Variants in MICAL3 observed in about 807,000 individuals in gnomAD.
MICAL3 encodes the protein microtubule associated monooxygenase, calponin and LIM domain containing 3.
Under a neutral mutation model 207.4 loss-of-function variants are expected in MICAL3, and 62 were observed. The observed-to-expected ratio is 0.30, with a 90% CI of 0.24 to 0.37. The LOEUF is 0.37. Among genes scored for constraint, MICAL3 ranks in the 10% least tolerant of loss-of-function variants. The pLI is 1.00. For missense variants in MICAL3, 2,368 were observed against 2,635.6 expected, an observed-to-expected ratio of 0.90 and a Z score of 2.22; for synonymous variants, 1,077 against 1,069.3, an observed-to-expected ratio of 1.01 and a Z score of -0.14.
chr22:17,828,258 C>T (rs1157321315), intron 21 of MICAL3, among the ~76,000 whole-genome samples: 2 of 152,232 alleles, frequency 1.3e-5, no homozygotes, highest in Non-Finnish European at 2.9e-5. Flanking sequence ...AGGTGCCCAC[C>T]ACCACTCGCC....
intron 29 of MICAL3, among the ~76,000 whole-genome samples, chr22:17,799,949 AACACACACACACACACAC>A (rs3078144): frequency 1.4e-5 from 2 of 146,712 alleles, no homozygotes; most frequent in African/African-American, 5.1e-5. Flanking sequence ...CTCACTCTAA[AACACACACACACACACAC>A]ACACACACAC....
At chr22:17,834,297 C>G in intron 20 of MICAL3, 1 of 1,132,016 alleles carries the variant, frequency 8.8e-7, no homozygotes, top group South Asian at 1.8e-5. Context: ...GAATATACTG[C>G]AAGGAGCTCA....
rs367653322 is a variant in MICAL3, at chr22:17,832,101, G to A, written c.2808C>T (p.Ser936=). ...GAEEDVASSS[S]ESEMEEEGEE... ...CTCCCTCCTCCTCCATCTCAGACTC[G>A]GAACTACTGTGAGGAAATAACCACA... Residue 936 remains serine (S), a synonymous_variant, in exon 21 of 32, where the codon TCC becomes TCT. Transcript: ENST00000441493. The A allele has an allele frequency of 1.1e-4, 170 of 1,568,870 alleles. No individual in the cohort carries two copies. The East Asian group carries it at 1.5e-3, about 13-fold the overall frequency.
At chr22:17,898,229 C>G (rs886865679) in intron 7 of MICAL3, among the ~76,000 whole-genome samples, 1 of 152,224 alleles carries the variant, frequency 6.6e-6, no homozygotes, top group Admixed American at 6.5e-5. Flanking sequence ...TTCACCTTGT[C>G]CCAAGGCGTA....
chr22:17,964,161 G>T (rs990348582), intron 1 of MICAL3, among the ~76,000 whole-genome samples: 1 of 152,096 alleles, frequency 6.6e-6, no homozygotes, highest in African/African-American at 2.4e-5. Flanking sequence ...CTGGAATTCC[G>T]TGTTCTAACA....
At chr22:17,907,394 C>A (rs772055915) in intron 1 of MICAL3, among the ~76,000 whole-genome samples, 1 of 152,156 alleles carries the variant, frequency 6.6e-6, no homozygotes, top group Non-Finnish European at 1.5e-5. Flanking sequence ...GCTTAGGCCC[C>A]GGATTAAACG....
chr22:17,814,546 C>T (rs2062081959), intron 27 of MICAL3: 1 of 152,222 alleles, frequency 6.6e-6, no homozygotes, highest in Non-Finnish European at 1.5e-5. Flanking sequence ...CCAAAATGTC[C>T]TTTATGGCTG....
intron 1 of MICAL3, among the ~76,000 whole-genome samples, chr22:17,937,564 G>A (rs541884045): frequency 3.9e-5 from 6 of 152,358 alleles, no homozygotes; most frequent in South Asian, 2.1e-4. Flanking sequence ...TCAGGAGGCT[G>A]AGGCAGACGA....
Position 17,817,653 on chromosome 22 carries a change from C to T in MICAL3, c.5008G>A (p.Glu1670Lys), listed in dbSNP as rs779671981. ...TCCGACGGCGGGGAGAGGACCTCCT[C>T]GCTGGTGGCTTCATGCTTCAGGGTG... ...EPTLKHEATS[E>K]EVLSPPSDSG... The change falls in exon 26 of 32, where the codon GAG becomes AAG. Residue 1670 changes from glutamate (E) to lysine (K), a missense_variant. Transcript: ENST00000441493. 8 of 1,612,256 alleles carry T rather than the reference C, an allele frequency of 5.0e-6. No homozygotes were observed. Among genetic ancestry groups the T allele is most frequent in the African/African-American group, 2.7e-5 (2 of 74,916 alleles).
chr22:17,984,657 C>T (rs1159768724), intron 1 of MICAL3, among the ~76,000 whole-genome samples: 2 of 151,930 alleles, frequency 1.3e-5, no homozygotes, highest in South Asian at 2.1e-4. Flanking sequence ...GGGTTTCTGA[C>T]TTCATGAAGC....
At position 17,818,100 on chromosome 22, in the gene MICAL3, G is replaced by A. The variant is rs777073162; in HGVS notation, c.4561C>T (p.Pro1521Ser). 1.9e-6 allele frequency: 3 copies of A among 1,612,830 alleles called. No homozygotes were observed. In the Middle Eastern group the frequency reaches 4.9e-4, roughly 266 times the overall value. The stretch of plus-strand genomic sequence containing the variant: ...GTGTCCTCCACATCATCAGCAAAGG[G>A]AATCTCCTCCACGCTCTCCACAAAC... ...KSFVESVEEI[P>S]FADDVEDTYD... Residue 1521 changes from proline (P) to serine (S), a missense_variant, in exon 26 of 32, where the codon CCC (proline) becomes TCC (serine). Physicochemically the swap from Pro to Ser is moderately conservative, Grantham distance 74. Transcript: ENST00000441493.
intron 16 of MICAL3, among the ~76,000 whole-genome samples, chr22:17,878,363 G>A (rs777963475): frequency 2.7e-4 from 41 of 152,130 alleles, no homozygotes; most frequent in Non-Finnish European, 4.9e-4. Flanking sequence ...ACCGTGGGGC[G>A]AGGCCATGGA....
At chr22:17,838,902 C>T (rs1433167150) in intron 20 of MICAL3, among the ~76,000 whole-genome samples, 4 of 151,638 alleles carry the variant, frequency 2.6e-5, no homozygotes, top group African/African-American at 9.7e-5. Flanking sequence ...CGTCCTGTGT[C>T]CTACGGCCAC....
chr22:17,916,918 C>G (rs1303178381), intron 1 of MICAL3, among the ~76,000 whole-genome samples: 2 of 152,124 alleles, frequency 1.3e-5, no homozygotes, highest in African/African-American at 4.8e-5. Flanking sequence ...TAGGACACAG[C>G]TCTCTTTTCA....
chr22:17,885,338 C>G lies in MICAL3; in HGVS notation c.2241+540G>C, dbSNP rs923925871. On this transcript the variant is annotated intron_variant, in intron 16 of 31. Coordinates refer to ENST00000441493, the MANE Select transcript of MICAL3 (RefSeq NM_015241.3). ...AGCTAAGAGAAGCCTGATGCCCACA[C>G]ATTCCAAAAGGTGCTTGTAAAGAGT... Among the ~76,000 whole-genome samples, 3 of 152,208 alleles carry G rather than the reference C, an allele frequency of 2.0e-5. No homozygotes were observed. The East Asian group carries it at 5.8e-4, about 29-fold the overall frequency.
intron 1 of MICAL3, among the ~76,000 whole-genome samples, chr22:17,981,341 A>T (rs1935900913): frequency 6.6e-6 from 1 of 151,768 alleles, no homozygotes; most frequent in Non-Finnish European, 1.5e-5. Flanking sequence ...ATTGACTCTA[A>T]GGAATAAAAC....
At chr22:17,795,875 G>C (rs1186149624) in intron 29 of MICAL3, among the ~76,000 whole-genome samples, 4 of 128,014 alleles carry the variant, frequency 3.1e-5, no homozygotes, top group African/African-American at 1.2e-4. Flanking sequence ...CACCTGACTG[G>C]AACCTGACTG....
In MICAL3 at chr22:18,008,297, T is replaced by C. The variant is rs1340554236; in HGVS notation, c.-75+15984A>G. Among the ~76,000 whole-genome samples the C allele has an allele frequency of 1.3e-5, 2 of 152,068 alleles. 1 individual carries two copies. ...GTCCATCCCTTCCAAGCATTCCAAA[T>C]AGCACACCCGTGACTGCCACCAGTT... On this transcript the variant is annotated intron_variant, in intron 1 of 31. Coordinates refer to ENST00000441493, the MANE Select transcript of MICAL3 (RefSeq NM_015241.3).
chr22:17,859,682 C>T (rs971664581), intron 19 of MICAL3, among the ~76,000 whole-genome samples: 5 of 152,348 alleles, frequency 3.3e-5, no homozygotes, highest in Admixed American at 1.3e-4. Context: ...GTTGTGCCTG[C>T]GGGCACGCCT....
Sources: gnomAD v4.1 joint callset for allele counts (sites outside exome capture counted in the v4.1 genomes callset) on GRCh38, gnomAD v4.1.1 for gene constraint, MANE v1.5 for transcripts, NCBI Gene and HGNC (gene_info 2026-07-23, HGNC 2026-07-21) for gene names.